STPG2: variants seen among roughly 807,000 people sequenced by gnomAD.
STPG2 encodes sperm tail PG-rich repeat containing 2.
STPG2 carries 56 observed loss-of-function variants against 54.2 expected under a neutral mutation model. That is an observed-to-expected ratio of 1.03 (90% CI 0.83 to 1.29). The LOEUF is 1.29. STPG2 is among the 50% of genes most tolerant of loss of function. The pLI is 0.00. For missense variants in STPG2, 596 were observed against 544.9 expected (o/e 1.09, Z -0.93); for synonymous variants, 200 against 181.8 (o/e 1.10, Z -0.81).
intron 8 of STPG2, among the ~76,000 whole-genome samples, chr4:97,886,277 A>G (rs1730566208): frequency 6.6e-6 from 1 of 152,210 alleles, no homozygotes; most frequent in Non-Finnish European, 1.5e-5. Context: ...AAATCAATTA[A>G]AAGGGAAAAA....
intron 8 of STPG2, among the ~76,000 whole-genome samples, chr4:97,891,825 T>A (rs529845669): frequency 6.6e-6 from 1 of 152,316 alleles, no homozygotes; most frequent in Admixed American, 6.5e-5. Flanking sequence ...CAGCAATATT[T>A]CATTTGAATG....
chr4:97,589,409 A>G (rs1337163860), intron 10 of STPG2, among the ~76,000 whole-genome samples: 1 of 152,108 alleles, frequency 6.6e-6, no homozygotes, highest in East Asian at 1.9e-4. Flanking sequence ...TTAAAGTAAT[A>G]AAAGCAATGT....
At chr4:98,123,034 G>C (rs1739725033) in intron 3 of STPG2, among the ~76,000 whole-genome samples, 1 of 152,100 alleles carries the variant, frequency 6.6e-6, no homozygotes, top group Admixed American at 6.5e-5. Flanking sequence ...TGTGGGGTCA[G>C]TGATGAGATC....
chr4:97,475,022 A>AT (rs1326134446), intron 4 of STPG2, among the ~76,000 whole-genome samples: 1 of 152,102 alleles, frequency 6.6e-6, no homozygotes, highest in Non-Finnish European at 1.5e-5. Flanking sequence ...CTATTAGCAT[A>AT]TTTTTTGTTA....
At chr4:98,086,383 A>G (rs1470790141) in intron 5 of STPG2, among the ~76,000 whole-genome samples, 4 of 152,120 alleles carry the variant, frequency 2.6e-5, no homozygotes, top group Non-Finnish European at 5.9e-5. Context: ...CTTTAAATAA[A>G]AAAGAGGAAG....
chr4:97,913,114 T>C (rs1415506997), intron 8 of STPG2, among the ~76,000 whole-genome samples: 2 of 152,190 alleles, frequency 1.3e-5, no homozygotes, highest in Non-Finnish European at 1.5e-5. Context: ...ATAGTTTGTA[T>C]AATATAAGCT....
At chr4:97,445,252 A>G (rs745809684) in intron 4 of STPG2, among the ~76,000 whole-genome samples, 1 of 152,194 alleles carries the variant, frequency 6.6e-6, no homozygotes, top group Non-Finnish European at 1.5e-5. Context: ...CCATAACAAG[A>G]TATATAATAG....
chr4:97,637,634 C>T (rs1312755155), intron 10 of STPG2, among the ~76,000 whole-genome samples: 4 of 152,192 alleles, frequency 2.6e-5, no homozygotes, highest in African/African-American at 9.7e-5. Context: ...TGATAAGCAA[C>T]TTCAGCAAAG....
At chr4:98,137,476 T>A (rs2110170737) in intron 1 of STPG2, among the ~76,000 whole-genome samples, 1 of 152,020 alleles carries the variant, frequency 6.6e-6, no homozygotes, top group South Asian at 2.1e-4. Context: ...GATCTATTTT[T>A]TAACTGAATA....
intron 10 of STPG2, among the ~76,000 whole-genome samples, chr4:97,652,157 A>T (rs1422112271): frequency 6.6e-6 from 1 of 151,948 alleles, no homozygotes; most frequent in African/African-American, 2.4e-5. Context: ...TTATGATAAA[A>T]GTTTTATGGA....
At chr4:97,772,438 A>G (rs1726248823) in intron 9 of STPG2, among the ~76,000 whole-genome samples, 1 of 152,218 alleles carries the variant, frequency 6.6e-6, no homozygotes, top group Non-Finnish European at 1.5e-5. Context: ...ACTGACAGTC[A>G]ATACCCTTTT....
At chr4:97,967,130 C>A (rs1734131948) in intron 7 of STPG2, among the ~76,000 whole-genome samples, 1 of 140,268 alleles carries the variant, frequency 7.1e-6, no homozygotes, top group South Asian at 2.3e-4. Context: ...CATGCAGAGA[C>A]ACACACAGGC....
intron 7 of STPG2, among the ~76,000 whole-genome samples, chr4:97,959,757 C>G (rs1166488062): frequency 1.3e-5 from 2 of 151,900 alleles, no homozygotes; most frequent in African/African-American, 4.8e-5. Flanking sequence ...AAGCTGAATT[C>G]TACCAGACAT....
intron 8 of STPG2, among the ~76,000 whole-genome samples, chr4:97,867,721 A>C (rs1046616746): frequency 2.6e-5 from 4 of 152,042 alleles, no homozygotes; most frequent in Non-Finnish European, 4.4e-5. Context: ...ATCAGTTCCC[A>C]AGCTCTTCTG....
intron 8 of STPG2, among the ~76,000 whole-genome samples, chr4:97,873,428 T>G (rs1730061245): frequency 6.6e-6 from 1 of 151,648 alleles, no homozygotes; most frequent in East Asian, 1.9e-4. Context: ...TATTTTAGTC[T>G]GAAAACACAG....
intron 9 of STPG2, among the ~76,000 whole-genome samples, chr4:97,764,017 T>C (rs1725965769): frequency 6.6e-6 from 1 of 151,842 alleles, no homozygotes; most frequent in Non-Finnish European, 1.5e-5. Context: ...CACATGTGCC[T>C]TTTTTAGTTA....
intron 9 of STPG2, among the ~76,000 whole-genome samples, chr4:97,719,311 A>G (rs1423248675): frequency 6.6e-6 from 1 of 151,938 alleles, no homozygotes; most frequent in Non-Finnish European, 1.5e-5. Context: ...GTTGTAGGGC[A>G]TGACACATCA....
At chr4:97,676,469 G>T (rs557156414) in intron 10 of STPG2, among the ~76,000 whole-genome samples, 31 of 151,076 alleles carry the variant, frequency 2.1e-4, no homozygotes, top group Non-Finnish European at 3.7e-4. Context: ...TTCTTTTTCC[G>T]CATCTGAAAC....
chr4:97,741,201 C>A (rs1404165619), intron 9 of STPG2, among the ~76,000 whole-genome samples: 2 of 151,998 alleles, frequency 1.3e-5, no homozygotes, highest in Admixed American at 6.6e-5. Flanking sequence ...ACACCTTATA[C>A]AAAAATTAAT....
Sources: gnomAD v4.1 joint callset for allele counts (sites outside exome capture counted in the v4.1 genomes callset) on GRCh38, gnomAD v4.1.1 for gene constraint, MANE v1.5 for transcripts, NCBI Gene and HGNC (gene_info 2026-07-23, HGNC 2026-07-21) for gene names.